Variants in EXD3 observed in about 807,000 individuals in gnomAD.
The protein encoded by EXD3 is exonuclease 3'-5' domain containing 3, also known as exonuclease mut-7 homolog.
Under a neutral mutation model 98.0 loss-of-function variants are expected in EXD3, and 92 were observed. The ratio of observed to expected loss-of-function variants is 0.94; its 90% CI spans 0.79 to 1.12. EXD3 has a LOEUF of 1.12. EXD3 is among the 50% of genes most tolerant of loss of function. The pLI is 0.00. For synonymous variants in EXD3, 569 were observed against 526.0 expected, an observed-to-expected ratio of 1.08 and a Z score of -1.12; for missense variants, 1,222 against 1,191.6, an observed-to-expected ratio of 1.03 and a Z score of -0.38.
chr9:137,388,068 G>C (rs1836698111), intron 2 of EXD3, among the ~76,000 whole-genome samples: 1 of 152,180 alleles, frequency 6.6e-6, no homozygotes, highest in South Asian at 2.1e-4. Flanking sequence ...AGGACACCTA[G>C]AAAAAACTCA....
chr9:137,313,637 A>T (rs958183400), intron 19 of EXD3, among the ~76,000 whole-genome samples: 25 of 152,188 alleles, frequency 1.6e-4, no homozygotes, highest in Admixed American at 1.2e-3. Context: ...GGGGTGTGGC[A>T]GGTGGGGTCC....
chr9:137,349,034 G>C lies in EXD3; in HGVS notation c.1830+76C>G, dbSNP rs1018998159. 6.8e-7 allele frequency: 1 copy of C among 1,472,890 alleles called. No individual in the cohort carries two copies. Among genetic ancestry groups the C allele is most frequent in the Non-Finnish European group, 9.0e-7 (1 of 1,109,846 alleles). 91.2% of individuals were successfully genotyped at this position (1,472,890 alleles called of 1,614,324 possible). A position where few individuals can be genotyped will look rare whatever the true frequency, so the allele number is the denominator to read the frequency against. Reference sequence around the variant, plus strand: ...TCTGACCCAGTGGCCTTGTCTCCATGCAGGTCCTTGGTTTATGGACAGGGA... The same window carrying C: ...TCTGACCCAGTGGCCTTGTCTCCATCCAGGTCCTTGGTTTATGGACAGGGA... On this transcript the variant is annotated intron_variant, in intron 16 of 21. Coordinates refer to ENST00000340951, the MANE Select transcript of EXD3 (RefSeq NM_017820.5). The surrounding 1 kb of genome is among the most constrained non-coding windows in gnomAD (Gnocchi z 7.4).
At chr9:137,362,042 G>C (rs940964388) in intron 7 of EXD3, among the ~76,000 whole-genome samples, 17 of 152,060 alleles carry the variant, frequency 1.1e-4, no homozygotes, top group South Asian at 4.1e-4. Flanking sequence ...AAAAGACATA[G>C]GCAATCCGAA....
chr9:137,329,217 ACGACACGGG>A (rs1588267401), intron 17 of EXD3, among the ~76,000 whole-genome samples: 5 of 10,252 alleles, frequency 4.9e-4, no homozygotes, highest in African/African-American at 1.4e-3. Flanking sequence ...GCTACACGGG[ACGACACGGG>A]GCTACACGGG....
rs1832257100 is a variant in EXD3 at position 137,324,212 on chromosome 9, C to T, written c.1999-69G>A. The T allele has an allele frequency of 4.4e-6, 6 of 1,356,056 alleles. No individual in the cohort carries two copies. Among genetic ancestry groups the T allele is most frequent in the African/African-American group, 1.4e-5 (1 of 69,266 alleles). 84.0% of individuals were successfully genotyped at this position (1,356,056 alleles called of 1,614,324 possible). Reference sequence around the variant, plus strand: ...GCTCCTGGACTGGGCCACCTCTGCTCGCCACCCCCTAGCTCCCCGGATCGT... The same window carrying T: ...GCTCCTGGACTGGGCCACCTCTGCTTGCCACCCCCTAGCTCCCCGGATCGT... On this transcript the variant is annotated intron_variant, in intron 17 of 21. Coordinates refer to ENST00000340951, the MANE Select transcript of EXD3 (RefSeq NM_017820.5). This position sits in a 1 kb window ranked among gnomAD's most constrained non-coding sequence, Gnocchi z 4.1.
intron 19 of EXD3, 36 bp from the exon 20 acceptor site, chr9:137,309,736 G>T (rs1831264722): frequency 3.3e-6 from 5 of 1,504,282 alleles, no homozygotes; most frequent in Non-Finnish European, 4.5e-6. Context: ...CCCAGGCGGG[G>T]CTTCTCCGGG....
chr9:137,330,980 A>T (rs1156790363), intron 17 of EXD3, among the ~76,000 whole-genome samples: 1 of 152,194 alleles, frequency 6.6e-6, no homozygotes, highest in Non-Finnish European at 1.5e-5. Flanking sequence ...ATTCTGGAAG[A>T]TGACAGCAGG....
intron 8 of EXD3, among the ~76,000 whole-genome samples, chr9:137,355,462 A>AAAGGAGG (rs1338073935): frequency 4.6e-5 from 1 of 21,918 alleles, no homozygotes; most frequent in Non-Finnish European, 1.1e-4. Context: ...GAGGAAGGAG[A>AAAGGAGG]AAGGAGGAAG....
intron 19 of EXD3, among the ~76,000 whole-genome samples, chr9:137,321,420 C>T (rs770618539): frequency 2.0e-4 from 31 of 152,200 alleles, no homozygotes; most frequent in Admixed American, 9.8e-4. Context: ...GGATTACTCA[C>T]GCCTGTCATC....
At chr9:137,351,232 C>A in intron 13 of EXD3, 85 bp from the exon 14 acceptor site, 1 of 1,532,174 alleles carries the variant, frequency 6.5e-7, no homozygotes, top group Non-Finnish European at 8.8e-7. Flanking sequence ...CAGCACCCTC[C>A]CCGGGGCACA....
intron 17 of EXD3, among the ~76,000 whole-genome samples, chr9:137,338,691 C>A (rs1281136244): frequency 6.6e-6 from 1 of 150,574 alleles, no homozygotes; most frequent in Non-Finnish European, 1.5e-5. Flanking sequence ...TCGAGACCAT[C>A]CTGGCTAACA....
chr9:137,382,076 G>A (rs1276270381), intron 3 of EXD3, among the ~76,000 whole-genome samples: 1 of 131,360 alleles, frequency 7.6e-6, no homozygotes, highest in Non-Finnish European at 1.6e-5. Flanking sequence ...GTGAGGGCGC[G>A]CGGTGGAGGT....
In EXD3 at chr9:137,354,351, G is replaced by A. The variant is rs200109742; in HGVS notation, c.858C>T (p.Thr286=). The change falls in exon 10 of 22, where the codon ACC becomes ACT. Residue 286 remains threonine, a synonymous_variant. Transcript: ENST00000340951. ...VEKSLSQENW[T]DHVQGLVGQS... Reference sequence around the variant, plus strand: ...GGCACGAACTCACCTGCACATGGTCGGTCCAGTTCTCCTGTGACAGGCTCT... The same window carrying A: ...GGCACGAACTCACCTGCACATGGTCAGTCCAGTTCTCCTGTGACAGGCTCT... The A allele has an allele frequency of 4.0e-5, 65 of 1,612,420 alleles. 1 individual carries two copies. In the Admixed American group the frequency reaches 6.5e-4, roughly 16 times the overall value.
chr9:137,326,445 G>A (rs555954765), intron 17 of EXD3, among the ~76,000 whole-genome samples: 4 of 152,252 alleles, frequency 2.6e-5, no homozygotes, highest in African/African-American at 9.6e-5. Context: ...AGGATGGCCT[G>A]AGCCTGGGAG....
At chr9:137,415,184 G>A (rs1478677752) in intron 1 of EXD3, among the ~76,000 whole-genome samples, 1 of 150,800 alleles carries the variant, frequency 6.6e-6, no homozygotes, top group Non-Finnish European at 1.5e-5. Flanking sequence ...CACTGCGCTG[G>A]GCCTGTCACA....
intron 1 of EXD3, among the ~76,000 whole-genome samples, chr9:137,409,780 C>T (rs890425758): frequency 1.3e-5 from 2 of 152,202 alleles, no homozygotes; most frequent in Admixed American, 6.5e-5. Context: ...GCATCTTTCT[C>T]GGAACGTGGT....
Position 137,373,582 on chromosome 9 carries a change from C to T in EXD3, c.138G>A (p.Trp46Ter). ...GGTCGTCCAAGGCAGCAAACCCCCG[C>T]CAGGCTTCCTCCCGGAGCTGTGGAG... ...RERKQLREEA[W>*]RGFAALDDPL... Residue 46 changes from tryptophan (W) to a stop codon, truncating the protein, a stop_gained, in exon 4 of 22, where the codon TGG becomes TGA. Transcript: ENST00000340951. LOFTEE classifies it high-confidence loss of function. 1 of 1,602,382 alleles carries T rather than the reference C, an allele frequency of 6.2e-7. No individual in the cohort carries two copies. The highest frequency in any genetic ancestry group is 8.5e-7 in the Non-Finnish European group (1 of 1,175,280).
At chr9:137,345,117 G>A (rs1833850822) in intron 17 of EXD3, among the ~76,000 whole-genome samples, 1 of 152,232 alleles carries the variant, frequency 6.6e-6, no homozygotes, top group Non-Finnish European at 1.5e-5. Flanking sequence ...GCAGGACACA[G>A]CCCCATGGCG....
chr9:137,330,601 GGACTACACAGGA>G (rs1564482342), intron 17 of EXD3, among the ~76,000 whole-genome samples: 100 of 141,742 alleles, frequency 7.1e-4, no homozygotes, highest in South Asian at 1.9e-3. Context: ...GGACTACACA[GGACTACACAGGA>G]CTACACAGGA....
Sources: gnomAD v4.1 joint callset for allele counts (sites outside exome capture counted in the v4.1 genomes callset) on GRCh38, gnomAD v4.1.1 for gene constraint, Gnocchi (gnomAD v3.1) non-coding constraint, MANE v1.5 for transcripts, NCBI Gene and HGNC (gene_info 2026-07-23, HGNC 2026-07-21) for gene names.